ASIC2: variants seen among roughly 807,000 people sequenced by gnomAD.
ASIC2 encodes acid sensing ion channel subunit 2.
In ASIC2, 25 loss-of-function variants were observed where a neutral mutation model predicts 57.3. The observed-to-expected ratio is 0.44, with a 90% CI of 0.32 to 0.61. ASIC2 has a LOEUF of 0.61. ASIC2 is among the 20% of genes least tolerant of loss of function. The pLI is 0.06. For synonymous variants in ASIC2, 319 were observed against 307.5 expected (o/e 1.04, Z -0.39); for missense variants, 641 against 738.1 (o/e 0.87, Z 1.52).
intron 1 of ASIC2, among the ~76,000 whole-genome samples, chr17:33,273,995 C>A (rs1354956278): frequency 6.6e-6 from 1 of 152,184 alleles, no homozygotes; most frequent in Non-Finnish European, 1.5e-5. Flanking sequence ...GTACTTACGT[C>A]CATTTTACAG....
At chr17:33,521,479 C>T (rs976372377) in intron 1 of ASIC2, among the ~76,000 whole-genome samples, 11 of 152,190 alleles carry the variant, frequency 7.2e-5, no homozygotes, top group African/African-American at 1.4e-4. Context: ...CCAACGCCCC[C>T]GAAGTCCTGG....
At chr17:33,753,594 CCGT>C (rs1356964299) in intron 1 of ASIC2, among the ~76,000 whole-genome samples, 1 of 152,176 alleles carries the variant, frequency 6.6e-6, no homozygotes, top group East Asian at 1.9e-4. Context: ...TCCAGTGCAG[CCGT>C]GTGGTGGAGG....
chr17:33,116,345 C>T (rs1422491447), intron 1 of ASIC2, among the ~76,000 whole-genome samples: 1 of 152,218 alleles, frequency 6.6e-6, no homozygotes, highest in Non-Finnish European at 1.5e-5. Context: ...CATTTTGGGG[C>T]ACCATGACGT....
intron 1 of ASIC2, among the ~76,000 whole-genome samples, chr17:33,488,464 T>C (rs1395006801): frequency 6.6e-6 from 1 of 152,238 alleles, no homozygotes; most frequent in Admixed American, 6.5e-5. Context: ...GATTCTTTTT[T>C]ATTTTTAAGT....
intron 1 of ASIC2, among the ~76,000 whole-genome samples, chr17:34,033,024 TC>T (rs1907689481): frequency 1.3e-5 from 2 of 152,190 alleles, no homozygotes; most frequent in South Asian, 2.1e-4. Flanking sequence ...CTTGTAGACA[TC>T]TACAGAACTC....
At chr17:34,015,801 T>C (rs902974448) in intron 1 of ASIC2, among the ~76,000 whole-genome samples, 1 of 152,148 alleles carries the variant, frequency 6.6e-6, no homozygotes, top group African/African-American at 2.4e-5. Context: ...TTAAACAAAA[T>C]AAAAAACAAA....
intron 1 of ASIC2, among the ~76,000 whole-genome samples, chr17:33,440,810 C>T (rs778339442): frequency 6.6e-6 from 1 of 151,932 alleles, no homozygotes; most frequent in African/African-American, 2.4e-5. Flanking sequence ...AAAAGTAGGT[C>T]GTTTGTTTTC....
chr17:33,650,707 G>GA (rs145636266), intron 1 of ASIC2, among the ~76,000 whole-genome samples: 4 of 150,292 alleles, frequency 2.7e-5, no homozygotes, highest in African/African-American at 4.9e-5. Context: ...ATGCTGAGTG[G>GA]AAAAAAAAAG....
chr17:33,801,038 A>C (rs566634448), intron 1 of ASIC2, among the ~76,000 whole-genome samples: 2 of 152,092 alleles, frequency 1.3e-5, no homozygotes, highest in East Asian at 1.9e-4. Flanking sequence ...GAGATTAAAA[A>C]CCCTCTAGGA....
Position 34,151,112 on chromosome 17 carries a change from A to T in ASIC2, c.555+4866T>A, listed in dbSNP as rs61589194. ...AGTGAGACTCCATCTCAAGAAAAAA[A>T]AAAAAAAAAAAAATAAAGAGGTAGA... On this transcript the variant is annotated intron_variant, in intron 1 of 9. Transcript: ENST00000359872. 3.8e-3 allele frequency among the ~76,000 whole-genome samples: 519 copies of T among 137,556 alleles called. 2 individuals are homozygous for T. Among genetic ancestry groups the T allele is most frequent in the African/African-American group, 0.014 (490 of 35,140 alleles). 90.2% of individuals were successfully genotyped at this position (137,556 alleles called of 152,430 possible). A position where few individuals can be genotyped will look rare whatever the true frequency, so the allele number is the denominator to read the frequency against.
chr17:33,387,295 C>T (rs1207067718), intron 1 of ASIC2, among the ~76,000 whole-genome samples: 1 of 152,214 alleles, frequency 6.6e-6, no homozygotes, highest in Non-Finnish European at 1.5e-5. Flanking sequence ...GATTAAGGAA[C>T]TCATCAAAGG....
chr17:33,642,973 G>A (rs577868145), intron 1 of ASIC2, among the ~76,000 whole-genome samples: 3 of 152,284 alleles, frequency 2.0e-5, no homozygotes, highest in African/African-American at 7.2e-5. Context: ...TGTTGACCAG[G>A]GTGGGTGCCC....
intron 1 of ASIC2, chr17:33,793,394 A>T (rs1389480987): frequency 2.0e-5 from 3 of 152,240 alleles, no homozygotes; most frequent in African/African-American, 7.2e-5. Flanking sequence ...AAACATTTGC[A>T]CTAACTGGGG....
intron 1 of ASIC2, among the ~76,000 whole-genome samples, chr17:33,823,450 C>A (rs1199450826): frequency 1.3e-5 from 2 of 152,110 alleles, no homozygotes; most frequent in Non-Finnish European, 2.9e-5. Flanking sequence ...AAGCCCATGC[C>A]CCAGAGAGCT....
chr17:33,513,667 G>A (rs1364419014), intron 1 of ASIC2, among the ~76,000 whole-genome samples: 1 of 152,170 alleles, frequency 6.6e-6, no homozygotes, highest in African/African-American at 2.4e-5. Context: ...GAGGAAGTTG[G>A]GGAACAAAAC....
At chr17:33,997,803 T>C (rs1906210207) in intron 1 of ASIC2, among the ~76,000 whole-genome samples, 1 of 152,136 alleles carries the variant, frequency 6.6e-6, no homozygotes, top group South Asian at 2.1e-4. Context: ...ATTTTTGCTT[T>C]ACATTCATTA....
chr17:34,062,249 T>A (rs1908995308), intron 1 of ASIC2, among the ~76,000 whole-genome samples: 1 of 152,070 alleles, frequency 6.6e-6, no homozygotes, highest in Non-Finnish European at 1.5e-5. Flanking sequence ...TACATGGAAA[T>A]TAAATAACCT....
chr17:33,334,874 G>A (rs1260166998), intron 1 of ASIC2, among the ~76,000 whole-genome samples: 2 of 152,248 alleles, frequency 1.3e-5, no homozygotes, highest in African/African-American at 2.4e-5. Flanking sequence ...ACTAAGGCAA[G>A]CTGCAAACGT....
chr17:34,075,890 G>T (rs769709275), intron 1 of ASIC2, among the ~76,000 whole-genome samples: 3 of 132,952 alleles, frequency 2.3e-5, no homozygotes, highest in Non-Finnish European at 4.6e-5. Context: ...GTGCAATGGC[G>T]CCATCATAGC....
Sources: gnomAD v4.1 joint callset for allele counts (sites outside exome capture counted in the v4.1 genomes callset) on GRCh38, gnomAD v4.1.1 for gene constraint, MANE v1.5 for transcripts, NCBI Gene and HGNC (gene_info 2026-07-23, HGNC 2026-07-21) for gene names.